Variants in CIROZ observed in about 807,000 individuals in gnomAD.
CIROZ encodes ciliated left-right organizer protein containing ZP-N domains.
chr1:10,962,239 A>G, the CIROZ span, among the ~76,000 whole-genome samples: 1 of 151,926 alleles, frequency 6.6e-6, no homozygotes, highest in Non-Finnish European at 1.5e-5. Context: ...TGAGGTCAGG[A>G]GTTCTAGACC....
the CIROZ span, chr1:10,948,475 C>T: frequency 7.1e-4 from 1,143 of 1,614,020 alleles, 2 homozygotes; most frequent in Non-Finnish European, 6.3e-4. Context: ...GGAGACTTGG[C>T]GGGGTCCTGT....
At chr1:10,968,493 C>A in the CIROZ span, among the ~76,000 whole-genome samples, 1 of 152,192 alleles carries the variant, frequency 6.6e-6, no homozygotes, top group East Asian at 1.9e-4. Context: ...AGATCAAGGC[C>A]GTGCCTCTGG....
chr1:10,970,989 A>T, the CIROZ span, among the ~76,000 whole-genome samples: 1 of 145,654 alleles, frequency 6.9e-6, no homozygotes, highest in Non-Finnish European at 1.5e-5. Context: ...TAAGAAAAAA[A>T]TTTTTTGTTT....
At chr1:10,959,573 G>A in the CIROZ span, among the ~76,000 whole-genome samples, 1 of 152,208 alleles carries the variant, frequency 6.6e-6, no homozygotes, top group East Asian at 1.9e-4. This position sits in a 1 kb window ranked among gnomAD's most constrained non-coding sequence, Gnocchi z 4.3. Flanking sequence ...GACCAGCAGA[G>A]GGTCCCTCGG....
the CIROZ span, chr1:10,976,160 T>C: frequency 6.5e-7 from 1 of 1,536,550 alleles, no homozygotes; most frequent in Non-Finnish European, 8.7e-7. Context: ...ATTCACCTGT[T>C]AAAACTTCTG....
the CIROZ span, chr1:10,948,331 C>T: frequency 6.2e-7 from 1 of 1,613,682 alleles, no homozygotes; most frequent in Non-Finnish European, 8.5e-7. Flanking sequence ...ACCAGCTCCT[C>T]TGCAGCCAGT....
chr1:10,971,907 G>A, the CIROZ span, among the ~76,000 whole-genome samples: 1 of 152,166 alleles, frequency 6.6e-6, no homozygotes, highest in South Asian at 2.1e-4. Context: ...CCTGAAGCTG[G>A]AGAATAAGAG....
chr1:10,951,745 A>AAATATATATAT, the CIROZ span, among the ~76,000 whole-genome samples: 8 of 119,204 alleles, frequency 6.7e-5, no homozygotes, highest in South Asian at 2.6e-4. Context: ...AAAAAAAAAA[A>AAATATATATAT]ATATATATAT....
At chr1:10,948,226 C>T in the CIROZ span, 3 of 1,613,936 alleles carry the variant, frequency 1.9e-6, no homozygotes, top group East Asian at 6.7e-5. Context: ...TGCCCCCTGG[C>T]CCCCTCCCTG....
the CIROZ span, chr1:10,976,388 T>C: frequency 1.5e-6 from 1 of 648,480 alleles, no homozygotes; most frequent in African/African-American, 1.9e-5. Context: ...CTGGCTGGAG[T>C]GCAGTGGCGC....
At chr1:10,955,350 G>A in the CIROZ span, among the ~76,000 whole-genome samples, 1 of 152,182 alleles carries the variant, frequency 6.6e-6, no homozygotes, top group Middle Eastern at 3.4e-3. Flanking sequence ...TCACTGCCTG[G>A]GCTGAAACTT....
chr1:10,965,115 C>T, the CIROZ span, among the ~76,000 whole-genome samples: 1 of 152,078 alleles, frequency 6.6e-6, no homozygotes, highest in African/African-American at 2.4e-5. Flanking sequence ...TCTGCCCCTC[C>T]CAGGCTGCCC....
the CIROZ span, chr1:10,949,901 T>C: frequency 2.4e-6 from 3 of 1,231,468 alleles, no homozygotes; most frequent in Non-Finnish European, 3.3e-6. Flanking sequence ...GAGTGACCCC[T>C]TTTCCACAGG....
At chr1:10,947,244 C>T in the CIROZ span, among the ~76,000 whole-genome samples, 1 of 152,192 alleles carries the variant, frequency 6.6e-6, no homozygotes, top group Non-Finnish European at 1.5e-5. Flanking sequence ...AAAGCCTGCA[C>T]CTCACCCTGA....
the CIROZ span, chr1:10,964,005 A>T: frequency 8.2e-7 from 1 of 1,214,502 alleles, no homozygotes; most frequent in Non-Finnish European, 1.1e-6. Context: ...ATCTGCAGCT[A>T]CCACCTGTCT....
the CIROZ span, among the ~76,000 whole-genome samples, chr1:10,960,053 G>A: frequency 6.6e-6 from 1 of 152,140 alleles, no homozygotes; most frequent in African/African-American, 2.4e-5. The surrounding 1 kb of genome is among the most constrained non-coding windows in gnomAD (Gnocchi z 4.6). Context: ...GAGGCCCCCA[G>A]AGGCCAGGCT....
the CIROZ span, among the ~76,000 whole-genome samples, chr1:10,952,804 G>A: frequency 3.3e-5 from 5 of 152,308 alleles, no homozygotes; most frequent in South Asian, 2.1e-4. Context: ...GAGCCACCGC[G>A]TCTGGCCTTT....
chr1:10,955,726 C>G, the CIROZ span, among the ~76,000 whole-genome samples: 11,642 of 151,818 alleles, frequency 0.077, 583 homozygotes, highest in East Asian at 0.22. Flanking sequence ...TGCCTGTAAT[C>G]CCAGCTACTT....
chr1:10,973,623 G>A, the CIROZ span, among the ~76,000 whole-genome samples: 1 of 152,298 alleles, frequency 6.6e-6, no homozygotes, highest in South Asian at 2.1e-4. Flanking sequence ...ACTGGCTGCA[G>A]CAGGGAGGTG....
Sources: allele counts gnomAD v4.1 joint callset (sites outside exome capture counted in the v4.1 genomes callset), GRCh38; gene constraint gnomAD v4.1.1; non-coding constraint Gnocchi (gnomAD v3.1); transcripts MANE v1.5; gene names NCBI Gene and HGNC (gene_info 2026-07-23, HGNC 2026-07-21).